ASH1L: variants seen among roughly 807,000 people sequenced by gnomAD.
The protein encoded by ASH1L is histone-lysine N-methyltransferase ASH1L.
In ASH1L, 23 loss-of-function variants were observed where a neutral mutation model predicts 269.0. The ratio of observed to expected loss-of-function variants is 0.09; its 90% CI spans 0.06 to 0.12. ASH1L has a LOEUF of 0.12. Among genes scored for constraint, ASH1L ranks in the 10% least tolerant of loss-of-function variants. The pLI, the probability that ASH1L is intolerant of heterozygous loss-of-function variation, is 1.00. For missense variants in ASH1L, 2,912 were observed against 3,567.8 expected (o/e 0.82, Z 4.68); for synonymous variants, 1,187 against 1,253.5 (o/e 0.95, Z 1.12).
In ASH1L at chr1:155,521,371, C is replaced by G; in HGVS notation, c.149G>C (p.Arg50Pro). The change falls in exon 2 of 28, where the codon CGC becomes CCC. Residue 50 changes from arginine (R) to proline (P), a missense_variant. By Grantham distance (103) the Arg-to-Pro change is moderately radical (BLOSUM62 -2). Around this residue, in one of 13 missense-constraint regions of ASH1L, gnomAD observed 115 missense variants for 101.5 expected, o/e 1.13. Coordinates refer to ENST00000392403, the MANE Select transcript of ASH1L (RefSeq NM_018489.3). ...GATGTTTCTTTCTCGATTCCGTTTG[C>G]GAAGGTCCTCTTCCTCCTTTGTGTT... Reference protein sequence around the residue: ...EKNTKEEEDLRKRNRERNIEA... With the variant: ...EKNTKEEEDLPKRNRERNIEA... 6.2e-7 allele frequency: 1 copy of G among 1,614,128 alleles called. No individual in the cohort carries two copies. Among genetic ancestry groups the G allele is most frequent in the Non-Finnish European group, 8.5e-7 (1 of 1,180,040 alleles).
rs1175929783 is a variant in ASH1L, at chr1:155,346,474, A to T, written c.7804-5T>A. On this transcript the variant is annotated splice_region_variant and splice_polypyrimidine_tract_variant and intron_variant, in intron 20 of 27. Coordinates refer to ENST00000392403, the MANE Select transcript of ASH1L (RefSeq NM_018489.3). ...ACAATCACAGTGCTGCCATACCTGT[A>T]GAAAAACATACAGTTTGGGGAACAT... 6.2e-7 allele frequency: 1 copy of T among 1,612,472 alleles called. No homozygotes were observed. Among genetic ancestry groups the T allele is most frequent in the Non-Finnish European group, 8.5e-7 (1 of 1,178,516 alleles).
At chr1:155,351,766 G>A (rs898829620) in intron 17 of ASH1L, among the ~76,000 whole-genome samples, 1 of 151,738 alleles carries the variant, frequency 6.6e-6, no homozygotes, top group African/African-American at 2.4e-5. Flanking sequence ...CAGGAGAATC[G>A]CTGGAACCCA....
intron 3 of ASH1L, among the ~76,000 whole-genome samples, chr1:155,473,642 G>A (rs1357839259): frequency 8.6e-5 from 13 of 151,798 alleles, no homozygotes; most frequent in African/African-American, 1.7e-4. Context: ...GACTACAGGC[G>A]TATGCCATCA....
At chr1:155,459,184 A>C (rs779780423) in intron 4 of ASH1L, among the ~76,000 whole-genome samples, 6 of 152,016 alleles carry the variant, frequency 3.9e-5, no homozygotes, top group Non-Finnish European at 7.4e-5. Context: ...TTTGGAAATT[A>C]CTAGTTTACT....
intron 5 of ASH1L, chr1:155,433,260 C>T (rs746649090): frequency 3.7e-5 from 57 of 1,556,976 alleles, no homozygotes; most frequent in South Asian, 3.2e-4. Flanking sequence ...GGGCCGGAGC[C>T]GGGCTGGGTT....
chr1:155,425,336 G>C (rs1571179584), intron 5 of ASH1L, among the ~76,000 whole-genome samples: 1 of 148,654 alleles, frequency 6.7e-6, no homozygotes, highest in East Asian at 2.0e-4. Context: ...GGAGTGCAGT[G>C]GCGCGATCTC....
At chr1:155,452,579 C>A (rs1281654909) in intron 4 of ASH1L, among the ~76,000 whole-genome samples, 1 of 143,836 alleles carries the variant, frequency 7.0e-6, no homozygotes. Flanking sequence ...CTTTTTGAGA[C>A]AGGGTCTTGC....
At chr1:155,430,409 C>T (rs1050733178) in intron 5 of ASH1L, among the ~76,000 whole-genome samples, 4 of 152,122 alleles carry the variant, frequency 2.6e-5, no homozygotes, top group Non-Finnish European at 5.9e-5. Flanking sequence ...TGGGGCAAGA[C>T]TTTAAATAAT....
chr1:155,514,298 T>C (rs1186511490), intron 2 of ASH1L, among the ~76,000 whole-genome samples: 1 of 152,218 alleles, frequency 6.6e-6, no homozygotes, highest in Non-Finnish European at 1.5e-5. Context: ...TCAGGTTATA[T>C]GCAGCCTACC....
chr1:155,484,381 G>A (rs1009588564), intron 2 of ASH1L, among the ~76,000 whole-genome samples: 7 of 151,888 alleles, frequency 4.6e-5, no homozygotes, highest in African/African-American at 7.3e-5. Context: ...CTCAGCTACC[G>A]GGAGGCTGAG....
intron 12 of ASH1L, among the ~76,000 whole-genome samples, chr1:155,369,228 G>C (rs893532324): frequency 6.6e-6 from 1 of 152,158 alleles, no homozygotes; most frequent in Non-Finnish European, 1.5e-5. Flanking sequence ...CGGATCACAA[G>C]GTCAGGAGAT....
At chr1:155,464,543 T>C (rs1399270593) in intron 3 of ASH1L, among the ~76,000 whole-genome samples, 1 of 150,524 alleles carries the variant, frequency 6.6e-6, no homozygotes, top group African/African-American at 2.4e-5. Flanking sequence ...CTAAATAAAA[T>C]TGGATTTCAG....
chr1:155,499,216 C>T (rs183391719), intron 2 of ASH1L, among the ~76,000 whole-genome samples: 1 of 152,238 alleles, frequency 6.6e-6, no homozygotes, highest in African/African-American at 2.4e-5. Context: ...TAGAAATCAT[C>T]ATGTGATGTA....
chr1:155,370,894 C>T lies in ASH1L; in HGVS notation c.6422G>A (p.Cys2141Tyr). Reference protein sequence around the residue: ...QRIQRHEWVQCLERFRAEEKG... With the variant: ...QRIQRHEWVQYLERFRAEEKG... ...TTCCTCAGCTCGAAATCGTTCTAGA[C>T]ATTGCACCCATTCATGCCTCTGTAT... The change falls in exon 11 of 28, where the codon TGT becomes TAT. Residue 2141 changes from cysteine to tyrosine, a missense_variant. Around this residue, in one of 13 missense-constraint regions of ASH1L, gnomAD observed 193 missense variants for 311.6 expected, o/e 0.62. Coordinates refer to ENST00000392403, the MANE Select transcript of ASH1L (RefSeq NM_018489.3). 1 of 1,614,164 alleles carries T rather than the reference C, an allele frequency of 6.2e-7. No homozygotes were observed. The highest frequency in any genetic ancestry group is 8.5e-7 in the Non-Finnish European group (1 of 1,180,034).
intron 5 of ASH1L, among the ~76,000 whole-genome samples, chr1:155,435,049 T>C (rs1318462553): frequency 1.3e-5 from 2 of 152,024 alleles, no homozygotes; most frequent in Non-Finnish European, 2.9e-5. Flanking sequence ...TCCCAGCTAC[T>C]TGGGTGGCTG....
At chr1:155,438,201 A>G in intron 5 of ASH1L, 126 bp downstream of exon 5, 1 of 1,051,126 alleles carries the variant, frequency 9.5e-7, no homozygotes, top group Non-Finnish European at 1.3e-6. Flanking sequence ...CAGTTTTTGA[A>G]AAGAAATGGT....
chr1:155,507,275 C>T (rs538981353), intron 2 of ASH1L, among the ~76,000 whole-genome samples: 290 of 147,706 alleles, frequency 2.0e-3, no homozygotes, highest in Admixed American at 2.5e-3. Flanking sequence ...AGCGAAACTC[C>T]GTCTCAAAAA....
At chr1:155,401,529 C>T (rs1048944395) in intron 6 of ASH1L, among the ~76,000 whole-genome samples, 12 of 150,344 alleles carry the variant, frequency 8.0e-5, no homozygotes, top group African/African-American at 2.9e-4. Context: ...CGCCTGTAAT[C>T]CCAGCACACT....
chr1:155,530,123 A>G (rs1309829042), intron 1 of ASH1L, among the ~76,000 whole-genome samples: 3 of 151,816 alleles, frequency 2.0e-5, no homozygotes, highest in Non-Finnish European at 4.4e-5. Flanking sequence ...CTTCCTTCGT[A>G]TCTTTGTCTA....
Sources: gnomAD v4.1 joint callset for allele counts (sites outside exome capture counted in the v4.1 genomes callset) on GRCh38, gnomAD v4.1.1 for gene constraint, gnomAD v4.1.1 regional missense constraint, MANE v1.5 for transcripts, NCBI Gene and HGNC (gene_info 2026-07-23, HGNC 2026-07-21) for gene names.